The following CPT1A variants were observed in gnomAD, a reference collection of about 807,000 sequenced individuals.
CPT1A encodes the protein carnitine palmitoyltransferase 1A.
Under a neutral mutation model 100.8 loss-of-function variants are expected in CPT1A, and 64 were observed. The ratio of observed to expected loss-of-function variants is 0.63; its 90% CI spans 0.52 to 0.78. The LOEUF (loss-of-function observed/expected upper bound fraction) is 0.78, where lower values mean the gene tolerates loss of function less well. Among genes scored for constraint, CPT1A ranks in the 30% least tolerant of loss-of-function variants. The pLI is 0.00. For missense variants in CPT1A, 802 were observed against 1,034.1 expected (o/e 0.78, Z 3.08); for synonymous variants, 363 against 396.0 (o/e 0.92, Z 0.99).
At chr11:68,799,105 G>T in intron 6 of CPT1A, 113 bp downstream of exon 6, 1 of 914,676 alleles carries the variant, frequency 1.1e-6, no homozygotes, top group Non-Finnish European at 1.8e-6. Flanking sequence ...ACTTCCTAGG[G>T]TGTGATTTTG....
At chr11:68,785,476 G>T (rs1446407987) in intron 9 of CPT1A, among the ~76,000 whole-genome samples, 1 of 150,252 alleles carries the variant, frequency 6.7e-6, no homozygotes, top group African/African-American at 2.5e-5. Flanking sequence ...CAGGAGAATC[G>T]CTTGAAACCA....
intron 1 of CPT1A, among the ~76,000 whole-genome samples, chr11:68,823,137 C>A (rs1856630433): frequency 6.6e-6 from 1 of 152,046 alleles, no homozygotes; most frequent in South Asian, 2.1e-4. Context: ...GTAGTCCCAG[C>A]TACTAAGGAG....
intron 1 of CPT1A, among the ~76,000 whole-genome samples, chr11:68,825,897 C>T (rs959779258): frequency 1.3e-5 from 2 of 152,300 alleles, no homozygotes; most frequent in East Asian, 1.9e-4. Context: ...GCAGAAGACA[C>T]GGGCACCATG....
chr11:68,830,909 T>C (rs926356091), intron 1 of CPT1A, among the ~76,000 whole-genome samples: 4 of 152,192 alleles, frequency 2.6e-5, no homozygotes, highest in African/African-American at 7.2e-5. Flanking sequence ...CCAAATACAC[T>C]TCTCAAGGAC....
chr11:68,799,707 G>A (rs1855852968), intron 5 of CPT1A, among the ~76,000 whole-genome samples: 1 of 151,740 alleles, frequency 6.6e-6, no homozygotes, highest in Non-Finnish European at 1.5e-5. Flanking sequence ...AGTGAGCCAT[G>A]ATCATGCCAC....
intron 2 of CPT1A, 70 bp from the exon 3 acceptor site, chr11:68,812,646 C>T (rs984528726): frequency 1.3e-6 from 2 of 1,593,270 alleles, no homozygotes; most frequent in Middle Eastern, 1.8e-4. Context: ...CTTCATGGCC[C>T]CTGGCAGCAG....
upstream of CPT1A, among the ~76,000 whole-genome samples, chr11:68,842,321 C>T (rs1017124701): frequency 6.6e-6 from 1 of 152,132 alleles, no homozygotes; most frequent in Non-Finnish European, 1.5e-5. Flanking sequence ...AGCTGAGAAG[C>T]AACCGATCCA....
At chr11:68,812,644 C>T (rs766222674) in intron 2 of CPT1A, 68 bp from the exon 3 acceptor site, 168 of 1,593,830 alleles carry the variant, frequency 1.1e-4, no homozygotes, top group Non-Finnish European at 1.3e-4. Context: ...CGCTTCATGG[C>T]CCCTGGCAGC....
In CPT1A at chr11:68,757,493, T is replaced by C; in HGVS notation, c.*151A>G. On this transcript the variant is annotated 3_prime_UTR_variant, in exon 19 of 19. Transcript: ENST00000265641. ...GCTTCACAGGGGAGAGATACTGTTC[T>C]AGGAAAAAAAAACACCCACATTTTC... 2 of 1,520,634 alleles carry C rather than the reference T, an allele frequency of 1.3e-6. No homozygotes were observed. Among genetic ancestry groups the C allele is most frequent in the Non-Finnish European group, 8.8e-7 (1 of 1,138,200 alleles). 94.2% of individuals were successfully genotyped at this position (1,520,634 alleles called of 1,614,324 possible).
Position 68,796,838 on chromosome 11 carries a change from C to A in CPT1A, c.771+18G>T, listed in dbSNP as rs1016553533. ...CCCACCGTCCTCGTCAGACAGCAGC[C>A]CGGGCGGGTGGACTCACCATGGCAT... On this transcript the variant is annotated intron_variant, in intron 7 of 18. Coordinates refer to ENST00000265641, the MANE Select transcript of CPT1A (RefSeq NM_001876.4). The A allele has an allele frequency of 7.4e-6, 12 of 1,612,826 alleles. No individual in the cohort carries two copies. The highest frequency in any genetic ancestry group is 1.0e-5 in the Non-Finnish European group (12 of 1,179,474).
intron 1 of CPT1A, among the ~76,000 whole-genome samples, chr11:68,829,377 C>T (rs897989526): frequency 2.0e-5 from 3 of 152,154 alleles, no homozygotes; most frequent in East Asian, 1.9e-4. Flanking sequence ...GCCCAGGTAT[C>T]GGAGACATAT....
chr11:68,810,605 A>G (rs1471641846), intron 3 of CPT1A, among the ~76,000 whole-genome samples: 21 of 152,158 alleles, frequency 1.4e-4, no homozygotes, highest in Admixed American at 1.4e-3. Flanking sequence ...GACCCTTCGC[A>G]AAAAGAGGTT....
chr11:68,791,826 C>T (rs973267668), intron 9 of CPT1A, among the ~76,000 whole-genome samples: 6 of 152,026 alleles, frequency 3.9e-5, no homozygotes, highest in South Asian at 2.1e-4. Flanking sequence ...CGTGAGCCAC[C>T]GCGCCTGGCC....
Position 68,818,856 on chromosome 11 carries a change from T to TAAACAACAA in CPT1A, c.-13-3370_-13-3369insTTGTTGTTT, listed in dbSNP as rs34752141. Among the ~76,000 whole-genome samples, 117 of 151,722 alleles carry TAAACAACAA rather than the reference T, an allele frequency of 7.7e-4. 1 individual carries two copies. The East Asian group carries it at 0.021, about 28-fold the overall frequency. ...CAGGGCGACAGAGTGAGACCCTATC[T>TAAACAACAA]CAACAACAACAACAACAAAACAACA... On this transcript the variant is annotated intron_variant, in intron 1 of 18. Coordinates refer to ENST00000265641, the MANE Select transcript of CPT1A (RefSeq NM_001876.4).
chr11:68,779,363 C>T (rs921714791), intron 12 of CPT1A, among the ~76,000 whole-genome samples: 4 of 152,036 alleles, frequency 2.6e-5, no homozygotes, highest in African/African-American at 9.7e-5. Flanking sequence ...GTCAAGTCTA[C>T]GGATGATGAT....
chr11:68,825,729 T>A (rs1010893468), intron 1 of CPT1A, among the ~76,000 whole-genome samples: 2 of 151,796 alleles, frequency 1.3e-5, no homozygotes, highest in African/African-American at 4.8e-5. Context: ...TCCAGGTGCT[T>A]CCTCTTCAGG....
intron 9 of CPT1A, among the ~76,000 whole-genome samples, chr11:68,787,654 G>A (rs1327427708): frequency 2.6e-5 from 4 of 151,906 alleles, no homozygotes; most frequent in African/African-American, 9.7e-5. Context: ...AAGAAGAGGA[G>A]TTTAGGGTTG....
At chr11:68,786,131 G>A (rs1855457115) in intron 9 of CPT1A, 2 of 696,442 alleles carry the variant, frequency 2.9e-6, no homozygotes, top group Non-Finnish European at 5.2e-6. Flanking sequence ...GGAGGCCAAG[G>A]AGGGAGGATT....
intron 1 of CPT1A, among the ~76,000 whole-genome samples, chr11:68,833,343 G>C (rs1856926480): frequency 6.6e-6 from 1 of 152,260 alleles, no homozygotes; most frequent in Non-Finnish European, 1.5e-5. Context: ...CTCCAGGCAA[G>C]TGTGGGTGTG....
Sources: gnomAD v4.1 joint callset for allele counts (sites outside exome capture counted in the v4.1 genomes callset) on GRCh38, gnomAD v4.1.1 for gene constraint, MANE v1.5 for transcripts, NCBI Gene and HGNC (gene_info 2026-07-23, HGNC 2026-07-21) for gene names.